The following MAN2A1 variants were observed in gnomAD, a reference collection of about 807,000 sequenced individuals.
The protein encoded by MAN2A1 is alpha-mannosidase 2.
A neutral mutation model predicts 142.6 loss-of-function variants in MAN2A1; 76 were observed. The ratio of observed to expected loss-of-function variants is 0.53; its 90% CI spans 0.44 to 0.65. The LOEUF (loss-of-function observed/expected upper bound fraction) is 0.65. Among genes scored for constraint, MAN2A1 ranks in the 30% least tolerant of loss-of-function variants. MAN2A1 has a pLI of 0.00. For missense variants in MAN2A1, 1,311 were observed against 1,365.1 expected, an observed-to-expected ratio of 0.96 and a Z score of 0.62; for synonymous variants, 559 against 473.2, an observed-to-expected ratio of 1.18 and a Z score of -2.35.
At chr5:109,855,360 A>G (rs770551380) in intron 20 of MAN2A1, 26 bp downstream of exon 20, 1 of 1,406,698 alleles carries the variant, frequency 7.1e-7, no homozygotes, top group South Asian at 1.6e-5. Context: ...TATCTTATAA[A>G]AAATTACTGT....
At chr5:109,784,386 T>C (rs1308649457) in intron 9 of MAN2A1, among the ~76,000 whole-genome samples, 1 of 152,150 alleles carries the variant, frequency 6.6e-6, no homozygotes, top group African/African-American at 2.4e-5. Flanking sequence ...TGTGTGTTGC[T>C]CTTGGAGAGA....
At chr5:109,855,443 A>T in intron 20 of MAN2A1, 109 bp downstream of exon 20, 1 of 652,426 alleles carries the variant, frequency 1.5e-6, no homozygotes, top group Admixed American at 3.9e-5. Context: ...GCTTTGAGGA[A>T]TTATTAACAG....
intron 7 of MAN2A1, among the ~76,000 whole-genome samples, chr5:109,774,101 T>C (rs1315502159): frequency 6.6e-6 from 1 of 152,086 alleles, no homozygotes; most frequent in African/African-American, 2.4e-5. Context: ...TTGGTTAGAG[T>C]CCAGAGAAGT....
Position 109,774,947 on chromosome 5 carries a change from G to C in MAN2A1, c.1356G>C (p.Gln452His). 6.2e-7 allele frequency: 1 copy of C among 1,604,124 alleles called. No individual in the cohort carries two copies. The highest frequency in any genetic ancestry group is 8.5e-7 in the Non-Finnish European group (1 of 1,174,670). The change falls in exon 8 of 22, where the codon CAG (glutamine) becomes CAC (histidine). Residue 452 changes from glutamine to histidine, a missense_variant. Coordinates refer to ENST00000261483, the MANE Select transcript of MAN2A1 (RefSeq NM_002372.4). ...AGCTTTTTGATTATATGAATTCTCA[G>C]TCCAAGTTTAAAGTTAAGGTAAGGA... ...YQQLFDYMNSQSKFKVKIQFG... is the reference protein window; with the variant it reads ...YQQLFDYMNSHSKFKVKIQFG...
At chr5:109,771,096 TC>T (rs1207651171) in intron 7 of MAN2A1, among the ~76,000 whole-genome samples, 1 of 152,148 alleles carries the variant, frequency 6.6e-6, no homozygotes, top group Non-Finnish European at 1.5e-5. Flanking sequence ...TAAATAAAAA[TC>T]AAAGGTATGA....
intron 1 of MAN2A1, among the ~76,000 whole-genome samples, chr5:109,708,357 G>A (rs1409812331): frequency 6.6e-6 from 1 of 152,086 alleles, no homozygotes; most frequent in Non-Finnish European, 1.5e-5. Flanking sequence ...ATTGTAATGG[G>A]CAGATGAATG....
At chr5:109,778,036 G>A (rs1753343256) in intron 8 of MAN2A1, among the ~76,000 whole-genome samples, 1 of 151,288 alleles carries the variant, frequency 6.6e-6, no homozygotes, top group African/African-American at 2.4e-5. Flanking sequence ...GTTACTGTTA[G>A]TCCTTTGTAA....
intron 21 of MAN2A1, chr5:109,865,453 C>G: frequency 2.9e-6 from 1 of 341,256 alleles, no homozygotes; most frequent in South Asian, 2.9e-5. Context: ...GTTTTCTCCT[C>G]CCCTGAACCA....
At chr5:109,699,040 C>G (rs1489461130) in intron 1 of MAN2A1, among the ~76,000 whole-genome samples, 1 of 152,152 alleles carries the variant, frequency 6.6e-6, no homozygotes, top group Non-Finnish European at 1.5e-5. Context: ...ACCCCCTACT[C>G]TTCCCAGTTT....
At position 109,756,629 on chromosome 5, in the gene MAN2A1, C is replaced by T. The variant is rs371028283; in HGVS notation, c.835+1173C>T. ...ACATTTACTTAATTTTTTCTGTTTC[C>T]GTGTTGTTGTAGTGGTGCTGGTATT... On this transcript the variant is annotated intron_variant, in intron 5 of 21. Transcript: ENST00000261483. Among the ~76,000 whole-genome samples, 18 of 152,116 alleles carry T rather than the reference C, an allele frequency of 1.2e-4. 1 individual carries two copies. The highest frequency in any genetic ancestry group is 2.6e-4 in the Admixed American group (4 of 15,282).
chr5:109,731,769 C>T (rs987850385), intron 4 of MAN2A1, among the ~76,000 whole-genome samples: 2 of 151,684 alleles, frequency 1.3e-5, no homozygotes, highest in Non-Finnish European at 2.9e-5. Context: ...CATTGTTGGA[C>T]ATTTGGATTG....
intron 1 of MAN2A1, among the ~76,000 whole-genome samples, chr5:109,711,425 G>T (rs1254660596): frequency 3.1e-5 from 4 of 130,732 alleles, no homozygotes; most frequent in South Asian, 5.0e-4. Context: ...ATGTATTTAG[G>T]AAAATATATA....
At chr5:109,857,817 C>T (rs1755662229) in intron 20 of MAN2A1, among the ~76,000 whole-genome samples, 1 of 152,216 alleles carries the variant, frequency 6.6e-6, no homozygotes, top group African/African-American at 2.4e-5. Context: ...CTACTTACTG[C>T]AGCCACCTGG....
intron 3 of MAN2A1, among the ~76,000 whole-genome samples, chr5:109,727,141 C>CT (rs1751767603): frequency 3.9e-5 from 6 of 152,152 alleles, no homozygotes; most frequent in Non-Finnish European, 5.9e-5. Context: ...GGTAATGACG[C>CT]TGATTTGTTC....
intron 4 of MAN2A1, among the ~76,000 whole-genome samples, chr5:109,734,455 G>A (rs1752023529): frequency 6.6e-6 from 1 of 151,992 alleles, no homozygotes; most frequent in Non-Finnish European, 1.5e-5. Flanking sequence ...TCTTTTAATT[G>A]TGATGTTAGG....
At chr5:109,740,562 T>A (rs114133770) in intron 4 of MAN2A1, among the ~76,000 whole-genome samples, 2,353 of 152,274 alleles carry the variant, frequency 0.015, 53 homozygotes, top group African/African-American at 0.054. Flanking sequence ...TTAAGGAGAC[T>A]GCCTCTGCAG....
At chr5:109,779,856 G>T (rs1753404236) in intron 8 of MAN2A1, among the ~76,000 whole-genome samples, 1 of 152,012 alleles carries the variant, frequency 6.6e-6, no homozygotes, top group African/African-American at 2.4e-5. Flanking sequence ...GTTGAAAATT[G>T]CTTATCTTTA....
rs760917714 is a variant in MAN2A1 at position 109,845,844 on chromosome 5, T to C, written c.2701-21T>C. 1.9e-6 allele frequency: 3 copies of C among 1,594,046 alleles called. No homozygotes were observed. In the South Asian group the frequency reaches 3.4e-5, roughly 18 times the overall value. ...ATATGTAAATATCACTTTTTGTAGA[T>C]GGAATTGTTGTGTTTTATAGATTCA... On this transcript the variant is annotated intron_variant, in intron 17 of 21. Coordinates refer to ENST00000261483, the MANE Select transcript of MAN2A1 (RefSeq NM_002372.4).
intron 15 of MAN2A1, among the ~76,000 whole-genome samples, chr5:109,821,015 A>G (rs1754608503): frequency 1.3e-5 from 2 of 152,186 alleles, no homozygotes; most frequent in African/African-American, 4.8e-5. Flanking sequence ...AGCCCTTTAA[A>G]AAACAAATCT....
Sources: allele counts gnomAD v4.1 joint callset (sites outside exome capture counted in the v4.1 genomes callset), GRCh38; gene constraint gnomAD v4.1.1; transcripts MANE v1.5; gene names NCBI Gene and HGNC (gene_info 2026-07-23, HGNC 2026-07-21).